Variants in PLEKHA7 observed in about 807,000 individuals in gnomAD.
The protein encoded by PLEKHA7 is pleckstrin homology domain-containing family A member 7.
A neutral mutation model predicts 170.0 loss-of-function variants in PLEKHA7; 104 were observed. That is an observed-to-expected ratio of 0.61 (90% CI 0.52 to 0.72). PLEKHA7 has a LOEUF of 0.72. Among genes scored for constraint, PLEKHA7 ranks in the 30% least tolerant of loss-of-function variants. The probability of loss-of-function intolerance (pLI) is 0.00; values close to 1 mark genes in which losing one functional copy is unlikely to be tolerated. For synonymous variants in PLEKHA7, 648 were observed against 660.8 expected, an observed-to-expected ratio of 0.98 and a Z score of 0.30; for missense variants, 1,615 against 1,671.7, an observed-to-expected ratio of 0.97 and a Z score of 0.59.
Position 17,014,369 on chromosome 11 carries a change from TAA to T in PLEKHA7, c.31_32del (p.Leu11ThrfsTer2). 3 of 1,401,532 alleles carry T rather than the reference TAA, an allele frequency of 2.1e-6. No homozygotes were observed. The highest frequency in any genetic ancestry group is 2.8e-6 in the Non-Finnish European group (3 of 1,068,054). The allele number at this position is 1,401,532 out of a possible 1,614,324, so 86.8% of individuals were successfully genotyped here. ...ACACCCCGTAGGACCAATGCTCAGG[TAA>T]AGTGTCCCGCCCGACCGTCGCCGCC... MAAATVGRDT[L>X]PEHWSYGVCR... On this transcript the variant is annotated frameshift_variant, in exon 1 of 27. Transcript: ENST00000531066. LOFTEE classifies it high-confidence loss of function.
chr11:16,915,725 G>GT (rs1858610712), intron 3 of PLEKHA7, among the ~76,000 whole-genome samples: 1 of 151,532 alleles, frequency 6.6e-6, no homozygotes, highest in South Asian at 2.1e-4. Flanking sequence ...ATATTCCATG[G>GT]TATATATGTG....
intron 3 of PLEKHA7, among the ~76,000 whole-genome samples, chr11:16,955,163 A>G (rs1026714529): frequency 1.3e-5 from 2 of 152,216 alleles, no homozygotes; most frequent in African/African-American, 2.4e-5. Context: ...AGAAAACTGA[A>G]ACCCCCAATG....
chr11:16,992,646 C>T (rs567217030), intron 3 of PLEKHA7, among the ~76,000 whole-genome samples: 45 of 150,752 alleles, frequency 3.0e-4, no homozygotes, highest in South Asian at 6.2e-4. Flanking sequence ...GTCCCAGCTA[C>T]ATGGGAGGCA....
Position 16,871,106 on chromosome 11 carries a change from G to A in PLEKHA7, c.298C>T (p.Gln100Ter). 6.3e-7 allele frequency: 1 copy of A among 1,593,166 alleles called. No individual in the cohort carries two copies. Among genetic ancestry groups the A allele is most frequent in the Non-Finnish European group, 8.6e-7 (1 of 1,161,302 alleles). Residue 100 changes from glutamine (Q) to a stop codon, truncating the protein, a stop_gained, in exon 4 of 27, where the codon CAA becomes TAA. Coordinates refer to ENST00000531066, the MANE Select transcript of PLEKHA7 (RefSeq NM_001329630.2). LOFTEE classifies it high-confidence loss of function. ...ATACATAAAAAGACTTACTCTTCTT[G>A]AAGAATGAATTCACTATTTTCTGGA... ...FSPENSEFIL[Q>*]EEPNPHMSKQ...
rs1852997182 is a variant in PLEKHA7, at chr11:16,851,899, C to A, written c.595+384G>T. On this transcript the variant is annotated intron_variant, in intron 7 of 26. Transcript: ENST00000531066. ...CTTATCTTAAAAGTAAGCTCTTTCT[C>A]CACATTTTGAGACTCCCTCTTAACA... 3.3e-5 allele frequency among the ~76,000 whole-genome samples: 5 copies of A among 152,358 alleles called. 1 individual carries two copies. The South Asian group carries it at 1.0e-3, about 32-fold the overall frequency.
intron 13 of PLEKHA7, among the ~76,000 whole-genome samples, chr11:16,808,911 G>C (rs1162171108): frequency 1.3e-5 from 2 of 152,206 alleles, no homozygotes; most frequent in African/African-American, 4.8e-5. Context: ...GAAGTCAGTT[G>C]CTGCGTACAT....
rs560499858 is a variant in PLEKHA7 at position 17,004,726 on chromosome 11, T to G, written c.221+9263A>C. 4.2e-4 allele frequency among the ~76,000 whole-genome samples: 64 copies of G among 152,166 alleles called. 1 individual carries two copies. Among genetic ancestry groups the G allele is most frequent in the South Asian group, 3.5e-3 (17 of 4,820 alleles). ...AACTTTAGAGAAGTCACTTTACCCC[T>G]CTGAGCCCAAATTCCCGCACTAAAA... On this transcript the variant is annotated intron_variant, in intron 3 of 26. Coordinates refer to ENST00000531066, the MANE Select transcript of PLEKHA7 (RefSeq NM_001329630.2).
intron 9 of PLEKHA7, among the ~76,000 whole-genome samples, chr11:16,830,890 G>A (rs930721327): frequency 1.3e-5 from 2 of 152,138 alleles, no homozygotes; most frequent in Admixed American, 1.3e-4. Context: ...CCTAAGCTTG[G>A]AGCTAATTTA....
chr11:17,014,191 G>A lies in PLEKHA7; in HGVS notation c.97C>T (p.Arg33Cys). 2 of 1,591,574 alleles carry A rather than the reference G, an allele frequency of 1.3e-6. No individual in the cohort carries two copies. The highest frequency in any genetic ancestry group is 1.7e-5 in the Admixed American group (1 of 58,314). ...CGCGGATGCAGCCAGGTCGTGCAGC[G>A]GAGCTGGTCACTGCGGGCAGAGAGG... Reference protein sequence around the residue: ...GRVFFINDQLRCTTWLHPRTG... With the variant: ...GRVFFINDQLCCTTWLHPRTG... Residue 33 changes from arginine to cysteine, a missense_variant, in exon 2 of 27, where the codon CGC (arginine) becomes TGC (cysteine). By Grantham distance (180) the Arg-to-Cys change is radical. Coordinates refer to ENST00000531066, the MANE Select transcript of PLEKHA7 (RefSeq NM_001329630.2).
chr11:16,965,130 G>A (rs760820468), intron 3 of PLEKHA7, among the ~76,000 whole-genome samples: 22 of 151,388 alleles, frequency 1.5e-4, no homozygotes, highest in Non-Finnish European at 2.4e-4. Flanking sequence ...CCAACATGGC[G>A]AAACCCCGTC....
intron 3 of PLEKHA7, among the ~76,000 whole-genome samples, chr11:16,993,184 A>G (rs1174701757): frequency 1.3e-5 from 2 of 152,196 alleles, no homozygotes; most frequent in Admixed American, 1.3e-4. Context: ...AGCCATAGAA[A>G]TCAGTTCCAA....
chr11:16,822,985 AT>A, intron 10 of PLEKHA7, among the ~76,000 whole-genome samples: 1 of 151,114 alleles, frequency 6.6e-6, no homozygotes, highest in African/African-American at 2.4e-5. Flanking sequence ...TGTATGTATT[AT>A]TTATTTATTT....
In PLEKHA7 at chr11:16,794,480, C is replaced by T; in HGVS notation, c.2745+8G>A. 6.2e-7 allele frequency: 1 copy of T among 1,609,242 alleles called. No homozygotes were observed. Among genetic ancestry groups the T allele is most frequent in the Non-Finnish European group, 8.5e-7 (1 of 1,175,898 alleles). On this transcript the variant is annotated splice_region_variant and intron_variant, in intron 19 of 26. Coordinates refer to ENST00000531066, the MANE Select transcript of PLEKHA7 (RefSeq NM_001329630.2). ...AATGGCATTCAGCTCCTAGTTATCA[C>T]TACTTACAACTTTGGGCTTCGCCTT...
chr11:16,811,387 T>A (rs1461822211), intron 13 of PLEKHA7, among the ~76,000 whole-genome samples: 3 of 152,188 alleles, frequency 2.0e-5, no homozygotes, highest in Non-Finnish European at 4.4e-5. Context: ...CTGAGTGGAC[T>A]GTTGGGCCCT....
chr11:16,972,459 T>C (rs1862781459), intron 3 of PLEKHA7, among the ~76,000 whole-genome samples: 1 of 152,030 alleles, frequency 6.6e-6, no homozygotes. Flanking sequence ...TTGCCCAGGC[T>C]GGAGTGCAGT....
chr11:16,847,197 T>C (rs454538), intron 8 of PLEKHA7, among the ~76,000 whole-genome samples: 15,781 of 148,192 alleles, frequency 0.11, 896 homozygotes, highest in East Asian at 0.16. Flanking sequence ...CCCCGGTTCA[T>C]GCCATTCTCC....
At chr11:16,994,555 A>G (rs1005542210) in intron 3 of PLEKHA7, among the ~76,000 whole-genome samples, 5 of 151,636 alleles carry the variant, frequency 3.3e-5, no homozygotes, top group African/African-American at 1.2e-4. Context: ...AGCATATTCC[A>G]CCTTCCTCCC....
chr11:16,794,441 G>A (rs1848069139), intron 19 of PLEKHA7, 47 bp downstream of exon 19: 2 of 1,547,246 alleles, frequency 1.3e-6, no homozygotes, highest in Non-Finnish European at 1.8e-6. Context: ...GTAATCTGAG[G>A]ACAGAGAGGA....
chr11:16,862,993 C>T (rs544176435), intron 4 of PLEKHA7, among the ~76,000 whole-genome samples: 180 of 152,260 alleles, frequency 1.2e-3, no homozygotes, highest in Non-Finnish European at 2.1e-3. Flanking sequence ...GCCCAGGGCT[C>T]AGCAGATGAG....
Sources: allele counts gnomAD v4.1 joint callset (sites outside exome capture counted in the v4.1 genomes callset), GRCh38; gene constraint gnomAD v4.1.1; transcripts MANE v1.5; gene names NCBI Gene and HGNC (gene_info 2026-07-23, HGNC 2026-07-21).